Variants in CEP63 observed in about 807,000 individuals in gnomAD.
The protein encoded by CEP63 is centrosomal protein 63.
CEP63 carries 84 observed loss-of-function variants against 89.1 expected under a neutral mutation model. The ratio of observed to expected loss-of-function variants is 0.94; its 90% CI spans 0.79 to 1.13. The LOEUF (loss-of-function observed/expected upper bound fraction) is 1.13, where lower values mean the gene tolerates loss of function less well. Among genes scored for constraint, CEP63 ranks in the 50% most tolerant of loss-of-function variants. CEP63 has a pLI of 0.00. For missense variants in CEP63, 838 were observed against 813.3 expected, an observed-to-expected ratio of 1.03 and a Z score of -0.37; for synonymous variants, 267 against 272.5, an observed-to-expected ratio of 0.98 and a Z score of 0.20.
intron 3 of CEP63, among the ~76,000 whole-genome samples, chr3:134,522,977 A>G (rs2108805185): frequency 6.6e-6 from 1 of 152,284 alleles, no homozygotes; most frequent in Non-Finnish European, 1.5e-5. Context: ...AGGGATCACC[A>G]TCATCTTCCA....
the CEP63 span, among the ~76,000 whole-genome samples, chr3:134,766,729 G>C: frequency 5.3e-5 from 8 of 152,330 alleles, no homozygotes; most frequent in Admixed American, 1.3e-4. Context: ...GTAAGCGGAG[G>C]GTGCTGGTCA....
the CEP63 span, among the ~76,000 whole-genome samples, chr3:134,767,525 C>T: frequency 2.6e-5 from 4 of 152,186 alleles, no homozygotes; most frequent in South Asian, 8.3e-4. Flanking sequence ...TAGAGCTCTG[C>T]ACTCACAAAC....
At chr3:134,724,368 T>G in the CEP63 span, among the ~76,000 whole-genome samples, 1 of 152,224 alleles carries the variant, frequency 6.6e-6, no homozygotes, top group African/African-American at 2.4e-5. Flanking sequence ...TGTATTTAGT[T>G]TAGGTTTAGT....
At chr3:134,578,104 A>G (rs1264715962), downstream of CEP63, among the ~76,000 whole-genome samples, 1 of 152,182 alleles carries the variant, frequency 6.6e-6, no homozygotes, top group African/African-American at 2.4e-5. Flanking sequence ...TCTTTATAGT[A>G]GAATGATTTA....
chr3:134,778,307 G>T, the CEP63 span, among the ~76,000 whole-genome samples: 1 of 151,784 alleles, frequency 6.6e-6, no homozygotes, highest in African/African-American at 2.4e-5. Context: ...ATGTTGGCCA[G>T]GCTGGTCTCC....
At chr3:134,711,512 G>A in the CEP63 span, among the ~76,000 whole-genome samples, 29 of 152,168 alleles carry the variant, frequency 1.9e-4, no homozygotes, top group East Asian at 5.0e-3. Context: ...CACTTTCTTA[G>A]GTTATTCCCT....
the CEP63 span, among the ~76,000 whole-genome samples, chr3:134,684,701 C>T: frequency 1.3e-5 from 2 of 152,218 alleles, no homozygotes; most frequent in East Asian, 3.9e-4. Context: ...CCCAGGCAGA[C>T]CTCAGCTGTG....
the CEP63 span, chr3:134,603,049 C>G: frequency 6.6e-6 from 1 of 152,340 alleles, no homozygotes; most frequent in African/African-American, 2.4e-5. Flanking sequence ...AGAAGATGAT[C>G]AGGTCTGGGA....
rs562760853 is a variant in CEP63, at chr3:134,518,561, A to G, written c.222+11275A>G. Among the ~76,000 whole-genome samples, 29 of 152,346 alleles carry G rather than the reference A, an allele frequency of 1.9e-4. 1 individual carries two copies. The highest frequency in any genetic ancestry group is 6.8e-3 in the Middle Eastern group (2 of 294). On this transcript the variant is annotated intron_variant, in intron 3 of 14. Coordinates refer to ENST00000675561, the MANE Select transcript of CEP63 (RefSeq NM_001353108.3). ...AACCCATGAATCAAAAGAAATCAAAATGAAAATTAGAAAATATTTTGGACT... is the reference window on the plus strand; with the variant it reads ...AACCCATGAATCAAAAGAAATCAAAGTGAAAATTAGAAAATATTTTGGACT...
the CEP63 span, among the ~76,000 whole-genome samples, chr3:134,678,124 G>A: frequency 2.6e-5 from 4 of 151,992 alleles, no homozygotes; most frequent in Admixed American, 1.3e-4. Flanking sequence ...ATGCCCTCCC[G>A]CTGCCTCTGC....
Position 134,582,510 on chromosome 3 carries a change from C to T in CEP63, c.1207-4948C>T, listed in dbSNP as rs112721559. 7.0e-3 allele frequency among the ~76,000 whole-genome samples: 1,070 copies of T among 152,294 alleles called. 12 individuals are homozygous for T. Among genetic ancestry groups the T allele is most frequent in the African/African-American group, 0.025 (1,028 of 41,546 alleles). On this transcript the variant is annotated intron_variant, in intron 10 of 10. Transcript: ENST00000683931. ...CATGTCCCTGCAAAGGACATGAACA[C>T]ATCCTTTTTTATGGCTGCATAGTAT...
At chr3:134,663,986 G>A in the CEP63 span, among the ~76,000 whole-genome samples, 2 of 152,198 alleles carry the variant, frequency 1.3e-5, no homozygotes, top group East Asian at 1.9e-4. Context: ...CTTGGGGAGA[G>A]CTTCTAGGCC....
intron 12 of CEP63, 61 bp from the exon 13 acceptor site, chr3:134,558,081 G>T: frequency 7.2e-7 from 1 of 1,391,700 alleles, no homozygotes; most frequent in Non-Finnish European, 1.0e-6. Context: ...CCAACCAGCA[G>T]TATCACAGAT....
chr3:134,674,700 A>T, the CEP63 span, among the ~76,000 whole-genome samples: 1 of 152,210 alleles, frequency 6.6e-6, no homozygotes, highest in Non-Finnish European at 1.5e-5. Context: ...AAAAATCATT[A>T]AATCTAATGA....
the CEP63 span, among the ~76,000 whole-genome samples, chr3:134,750,938 A>G: frequency 6.6e-6 from 1 of 152,224 alleles, no homozygotes; most frequent in African/African-American, 2.4e-5. Flanking sequence ...TGGATTCACA[A>G]TGGAATTCCT....
At chr3:134,689,474 C>T in the CEP63 span, among the ~76,000 whole-genome samples, 2 of 130,842 alleles carry the variant, frequency 1.5e-5, no homozygotes, top group African/African-American at 2.6e-5. Context: ...TTATTTGAGA[C>T]AGGGTCTTGT....
the CEP63 span, chr3:134,628,184 C>T: frequency 1.1e-5 from 3 of 261,876 alleles, no homozygotes; most frequent in East Asian, 8.7e-5. Flanking sequence ...CAGATAATGC[C>T]GGGATAAGAA....
At chr3:134,705,396 A>G in the CEP63 span, among the ~76,000 whole-genome samples, 2 of 152,166 alleles carry the variant, frequency 1.3e-5, no homozygotes, top group African/African-American at 4.8e-5. Context: ...ATCCAGTCTC[A>G]CCAGAGCAAG....
chr3:134,757,707 C>T, the CEP63 span, among the ~76,000 whole-genome samples: 14 of 152,192 alleles, frequency 9.2e-5, no homozygotes, highest in Admixed American at 8.5e-4. Flanking sequence ...GGGCTAGGGG[C>T]CCTTGGGGGG....
Sources: gnomAD v4.1 joint callset for allele counts (sites outside exome capture counted in the v4.1 genomes callset) on GRCh38, gnomAD v4.1.1 for gene constraint, MANE v1.5 for transcripts, NCBI Gene and HGNC (gene_info 2026-07-23, HGNC 2026-07-21) for gene names.